The following SPECC1 variants were observed in gnomAD, a reference collection of about 807,000 sequenced individuals.
SPECC1 encodes cytospin-B.
In SPECC1, 62 loss-of-function variants were observed where a neutral mutation model predicts 104.1. That is an observed-to-expected ratio of 0.60 (90% CI 0.49 to 0.74). The LOEUF (loss-of-function observed/expected upper bound fraction) is 0.74. Ranked by LOEUF, SPECC1 falls within the 30% of genes least tolerant of loss-of-function variation. The probability of loss-of-function intolerance (pLI) is 0.00; values close to 1 mark genes in which losing one functional copy is unlikely to be tolerated. For missense variants in SPECC1, 1,306 were observed against 1,310.5 expected (o/e 1.00, Z 0.05); for synonymous variants, 513 against 501.6 (o/e 1.02, Z -0.30).
chr17:20,252,651 C>T (rs749893046), intron 9 of SPECC1, among the ~76,000 whole-genome samples: 31 of 152,188 alleles, frequency 2.0e-4, no homozygotes, highest in Non-Finnish European at 3.4e-4. Flanking sequence ...TTTGACTTAG[C>T]ATAATGTCTC....
At chr17:20,312,254 G>T (rs1214166895) in intron 14 of SPECC1, among the ~76,000 whole-genome samples, 1 of 152,002 alleles carries the variant, frequency 6.6e-6, no homozygotes, top group African/African-American at 2.4e-5. Flanking sequence ...TCTTTTGGAG[G>T]GTCTTAACTA....
chr17:20,115,378 C>T (rs1037608702), intron 3 of SPECC1, among the ~76,000 whole-genome samples: 2 of 152,120 alleles, frequency 1.3e-5, no homozygotes, highest in Non-Finnish European at 2.9e-5. Context: ...GAGGCTGAGG[C>T]AGGAGAATCA....
rs938269220 is a variant in SPECC1 at position 20,316,520 on chromosome 17, CCA to C, written c.*2459_*2460del. ...TGGCTGGGATTACAGGTGCCCATCA[CCA>C]CACCCAGCTAATGTTTTTGTATTTT... On this transcript the variant is annotated 3_prime_UTR_variant, in exon 15 of 15. Coordinates refer to ENST00000395527, the MANE Select transcript of SPECC1 (RefSeq NM_001243439.2). 9.6e-5 allele frequency: 18 copies of C among 187,824 alleles called. No individual in the cohort carries two copies. Among genetic ancestry groups the C allele is most frequent in the Non-Finnish European group, 1.6e-4 (14 of 89,214 alleles). 11.6% of individuals were successfully genotyped at this position (187,824 alleles called of 1,614,324 possible).
At chr17:20,095,155 G>T (rs1279189277) in intron 1 of SPECC1, among the ~76,000 whole-genome samples, 2 of 152,154 alleles carry the variant, frequency 1.3e-5, no homozygotes, top group East Asian at 1.9e-4. Context: ...CATTGTTGCT[G>T]TGGAAACAAG....
At chr17:20,272,744 G>A (rs111940604) in intron 12 of SPECC1, among the ~76,000 whole-genome samples, 10 of 152,236 alleles carry the variant, frequency 6.6e-5, no homozygotes, top group African/African-American at 1.7e-4. Flanking sequence ...ATAAAATTCC[G>A]TTGATTATAT....
At position 20,237,150 on chromosome 17, in the gene SPECC1, A is replaced by G. The variant is rs538332059; in HGVS notation, c.2351+4745A>G. 2.7e-5 allele frequency: 36 copies of G among 1,358,324 alleles called. No homozygotes were observed. In the East Asian group the frequency reaches 8.8e-4, roughly 33 times the overall value. 84.1% of individuals were successfully genotyped at this position (1,358,324 alleles called of 1,614,324 possible). ...GAAGATTGAGCTGTCTTTTATTTGG[A>G]GAATAAAATGAAGTTCTGAAAAAAA... On this transcript the variant is annotated intron_variant, in intron 7 of 14. Coordinates refer to ENST00000395527, the MANE Select transcript of SPECC1 (RefSeq NM_001243439.2).
chr17:20,289,676 C>T (rs75372248), intron 12 of SPECC1, among the ~76,000 whole-genome samples: 10 of 152,308 alleles, frequency 6.6e-5, no homozygotes, highest in South Asian at 2.1e-4. Context: ...ACAGTGCACA[C>T]GGCTTTGAAT....
intron 4 of SPECC1, among the ~76,000 whole-genome samples, chr17:20,224,230 G>A (rs185488391): frequency 6.6e-6 from 1 of 152,286 alleles, no homozygotes; most frequent in Non-Finnish European, 1.5e-5. Context: ...GAGCTGCCTG[G>A]AGTTGGAGCA....
At chr17:20,296,399 T>G (rs966690639) in intron 12 of SPECC1, among the ~76,000 whole-genome samples, 8 of 152,240 alleles carry the variant, frequency 5.3e-5, no homozygotes, top group Non-Finnish European at 1.0e-4. Context: ...TTGGTACCAG[T>G]ACCATGCTGT....
intron 12 of SPECC1, among the ~76,000 whole-genome samples, chr17:20,279,963 C>T (rs1340055603): frequency 6.6e-6 from 1 of 152,146 alleles, no homozygotes; most frequent in African/African-American, 2.4e-5. Context: ...CACCAAAGGG[C>T]ACGTGCTGTG....
rs1241394950 is a variant in SPECC1, at chr17:20,316,588, C to G, written c.*2523C>G. 5.4e-6 allele frequency: 1 copy of G among 184,246 alleles called. No individual in the cohort carries two copies. The highest frequency in any genetic ancestry group is 2.4e-5 in the African/African-American group (1 of 42,454). The allele number at this position is 184,246 out of a possible 1,614,324, so 11.4% of individuals were successfully genotyped here. A position where few individuals can be genotyped will look rare whatever the true frequency, so the allele number is the denominator to read the frequency against. ...TTCACCATGTTGGCCCGGCTGGTCT[C>G]GAACTCCTGATGGCAAGGTGATCTG... On this transcript the variant is annotated 3_prime_UTR_variant, in exon 15 of 15. Coordinates refer to ENST00000395527, the MANE Select transcript of SPECC1 (RefSeq NM_001243439.2).
chr17:20,295,231 T>C (rs1379676783), intron 12 of SPECC1, among the ~76,000 whole-genome samples: 2 of 139,364 alleles, frequency 1.4e-5, no homozygotes, highest in African/African-American at 5.4e-5. Context: ...CCAAGTGTTC[T>C]CATTGTTTAG....
At chr17:20,063,064 C>T (rs1042007819) in intron 1 of SPECC1, among the ~76,000 whole-genome samples, 4 of 152,102 alleles carry the variant, frequency 2.6e-5, no homozygotes, top group African/African-American at 9.7e-5. Context: ...ATTCCCATCC[C>T]AACTGCCTCT....
At chr17:20,066,123 G>A (rs143839757) in intron 1 of SPECC1, among the ~76,000 whole-genome samples, 6 of 152,128 alleles carry the variant, frequency 3.9e-5, no homozygotes, top group South Asian at 2.1e-4. Flanking sequence ...GGTGAAACTC[G>A]GAAACTCATG....
At chr17:20,107,352 GATA>G (rs989302378) in intron 2 of SPECC1, among the ~76,000 whole-genome samples, 1 of 151,188 alleles carries the variant, frequency 6.6e-6, no homozygotes, top group Non-Finnish European at 1.5e-5. Flanking sequence ...GGCTCATACC[GATA>G]ATACCAGCAT....
intron 1 of SPECC1, among the ~76,000 whole-genome samples, chr17:20,014,905 C>T (rs2044061863): frequency 6.6e-6 from 1 of 152,112 alleles, no homozygotes; most frequent in Admixed American, 6.5e-5. Context: ...CAGATGTGCA[C>T]CACCATACCC....
chr17:20,209,624 T>C (rs1350550305), intron 4 of SPECC1, among the ~76,000 whole-genome samples: 1 of 152,164 alleles, frequency 6.6e-6, no homozygotes, highest in Non-Finnish European at 1.5e-5. Flanking sequence ...ATATACCCCA[T>C]ATGCATCTTG....
chr17:20,143,385 CAAA>C (rs559355436), intron 3 of SPECC1, among the ~76,000 whole-genome samples: 1 of 106,342 alleles, frequency 9.4e-6, no homozygotes, highest in African/African-American at 3.4e-5. Context: ...GATCAAGTTT[CAAA>C]AAAAAAAAAA....
chr17:20,085,997 A>G (rs1038830477), intron 1 of SPECC1, among the ~76,000 whole-genome samples: 3 of 152,184 alleles, frequency 2.0e-5, no homozygotes, highest in African/African-American at 7.2e-5. Context: ...GATGTCCCCA[A>G]GGAGTGAAGC....
Sources: allele counts gnomAD v4.1 joint callset (sites outside exome capture counted in the v4.1 genomes callset), GRCh38; gene constraint gnomAD v4.1.1; transcripts MANE v1.5; gene names NCBI Gene and HGNC (gene_info 2026-07-23, HGNC 2026-07-21).